Variants in BNC2 observed in about 807,000 individuals in gnomAD.
BNC2 encodes the protein basonuclin zinc finger protein 2.
A neutral mutation model predicts 76.3 loss-of-function variants in BNC2; 20 were observed. That is an observed-to-expected ratio of 0.26 (90% CI 0.18 to 0.38). The LOEUF is 0.38. Ranked by LOEUF, BNC2 falls within the 10% of genes least tolerant of loss-of-function variation. The probability of loss-of-function intolerance (pLI) is 1.00; values close to 1 mark genes in which losing one functional copy is unlikely to be tolerated. For missense variants in BNC2, 1,382 were observed against 1,399.8 expected (o/e 0.99, Z 0.20); for synonymous variants, 582 against 514.8 (o/e 1.13, Z -1.77).
At chr9:16,709,006 G>A (rs1429152087) in intron 3 of BNC2, among the ~76,000 whole-genome samples, 1 of 152,144 alleles carries the variant, frequency 6.6e-6, no homozygotes. Flanking sequence ...CTGTGTCAGC[G>A]ATTTGACTTC....
At chr9:16,643,083 A>G (rs1394166424) in intron 3 of BNC2, among the ~76,000 whole-genome samples, 2 of 152,176 alleles carry the variant, frequency 1.3e-5, no homozygotes, top group African/African-American at 4.8e-5. Context: ...AGAAAACTAC[A>G]CAGATGAATA....
At chr9:16,777,540 A>C (rs1826002240) in intron 1 of BNC2, among the ~76,000 whole-genome samples, 1 of 152,020 alleles carries the variant, frequency 6.6e-6, no homozygotes. Context: ...CTCCACTAAA[A>C]ATACAAAAAA....
chr9:16,487,200 G>A (rs972411228), intron 5 of BNC2, among the ~76,000 whole-genome samples: 1 of 152,134 alleles, frequency 6.6e-6, no homozygotes, highest in Non-Finnish European at 1.5e-5. Flanking sequence ...GTCTTGAGGG[G>A]GTCAAACGTC....
chr9:16,481,241 C>T (rs916200312), intron 5 of BNC2, among the ~76,000 whole-genome samples: 8 of 152,100 alleles, frequency 5.3e-5, no homozygotes, highest in African/African-American at 1.9e-4. Flanking sequence ...CTACTCGGCT[C>T]TACCAATCAG....
chr9:16,424,795 T>C (rs1820773551), intron 6 of BNC2, among the ~76,000 whole-genome samples: 1 of 152,194 alleles, frequency 6.6e-6, no homozygotes. Context: ...AAATGAAAAA[T>C]TAAAACTTCT....
chr9:16,435,920 C>T lies in BNC2; in HGVS notation c.2274G>A (p.Arg758=), dbSNP rs937674742. Residue 758 remains arginine, a synonymous_variant, in exon 6 of 7, where the codon AGG becomes AGA. Transcript: ENST00000380672. ...VSEKVLMNSE[R]PDENHSEPSH... Reference sequence around the variant, plus strand: ...AGGGCTCACTGTGGTTCTCATCAGGCCTCTCACTATTCATCAGGACTTTTT... The same window carrying T: ...AGGGCTCACTGTGGTTCTCATCAGGTCTCTCACTATTCATCAGGACTTTTT... 1.9e-6 allele frequency: 3 copies of T among 1,613,996 alleles called. No homozygotes were observed. The highest frequency in any genetic ancestry group is 1.7e-6 in the Non-Finnish European group (2 of 1,179,998).
intron 1 of BNC2, among the ~76,000 whole-genome samples, chr9:16,863,862 T>C (rs991760314): frequency 3.3e-5 from 5 of 152,188 alleles, no homozygotes; most frequent in African/African-American, 9.6e-5. Context: ...ACAAAATCTG[T>C]TGAAATCAGG....
intron 3 of BNC2, among the ~76,000 whole-genome samples, chr9:16,660,126 T>C (rs1587284985): frequency 6.6e-6 from 1 of 152,236 alleles, no homozygotes; most frequent in Non-Finnish European, 1.5e-5. Context: ...TTTGCATCCC[T>C]TGCCCACAAT....
chr9:16,765,021 A>G (rs906959758), intron 1 of BNC2, among the ~76,000 whole-genome samples: 1 of 152,162 alleles, frequency 6.6e-6, no homozygotes, highest in Non-Finnish European at 1.5e-5. Context: ...TTGGAAGGTT[A>G]TATCTTCCAT....
At chr9:16,763,411 A>C in intron 1 of BNC2, among the ~76,000 whole-genome samples, 1 of 151,880 alleles carries the variant, frequency 6.6e-6, no homozygotes, top group East Asian at 1.9e-4. Context: ...CTCTACAAAA[A>C]ATCAAAAACT....
intron 1 of BNC2, among the ~76,000 whole-genome samples, chr9:16,853,298 T>TAGTC (rs10629318): frequency 0.86 from 130,317 of 151,088 alleles, 56,227 homozygotes; most frequent in East Asian, 0.99. Context: ...TAGGCCCAGT[T>TAGTC]AGGAGGCTAA....
At chr9:16,787,122 G>C (rs534822945) in intron 1 of BNC2, among the ~76,000 whole-genome samples, 4 of 152,208 alleles carry the variant, frequency 2.6e-5, no homozygotes, top group Admixed American at 6.5e-5. Context: ...AATTTTGCCA[G>C]TCTGCCTACT....
At chr9:16,765,556 T>A (rs569653763) in intron 1 of BNC2, among the ~76,000 whole-genome samples, 97 of 152,290 alleles carry the variant, frequency 6.4e-4, no homozygotes, top group African/African-American at 2.2e-3. Context: ...CTGAAATATG[T>A]TAGGTAATGA....
chr9:16,437,486 C>T lies in BNC2; in HGVS notation c.708G>A (p.Met236Ile), dbSNP rs1821042906. Reference sequence around the variant, plus strand: ...GGGTGATGATTTCCTCTTCTCGAGACATGATGGCCCAGCGGTCCAGCACCT... The same window carrying T: ...GGGTGATGATTTCCTCTTCTCGAGATATGATGGCCCAGCGGTCCAGCACCT... ...AGKVLDRWAIMSREEEIITLQ... is the reference protein window; with the variant it reads ...AGKVLDRWAIISREEEIITLQ... The change falls in exon 6 of 7, where the codon ATG (methionine) becomes ATA (isoleucine). Residue 236 changes from methionine (M) to isoleucine (I), a missense_variant. Coordinates refer to ENST00000380672, the MANE Select transcript of BNC2 (RefSeq NM_017637.6). 4 of 1,613,618 alleles carry T rather than the reference C, an allele frequency of 2.5e-6. No homozygotes were observed. The South Asian group carries it at 3.3e-5, about 13-fold the overall frequency.
intron 4 of BNC2, among the ~76,000 whole-genome samples, chr9:16,578,114 C>G (rs116233014): frequency 6.6e-6 from 1 of 151,940 alleles, no homozygotes; most frequent in African/African-American, 2.4e-5. Context: ...AGTTACTGAT[C>G]TAGTTTAAAA....
chr9:16,767,313 G>C (rs1402971739), intron 1 of BNC2, among the ~76,000 whole-genome samples: 1 of 152,192 alleles, frequency 6.6e-6, no homozygotes, highest in Admixed American at 6.5e-5. Flanking sequence ...TTCTCAGTTT[G>C]GGCAGTCCTC....
At chr9:16,711,237 T>C (rs1017947444) in intron 3 of BNC2, among the ~76,000 whole-genome samples, 3 of 152,072 alleles carry the variant, frequency 2.0e-5, no homozygotes, top group African/African-American at 7.2e-5. Flanking sequence ...TCGTTGAAAC[T>C]ACAGAACAAC....
chr9:16,636,200 T>C (rs1016543185), intron 3 of BNC2, among the ~76,000 whole-genome samples: 2 of 152,094 alleles, frequency 1.3e-5, no homozygotes, highest in Non-Finnish European at 2.9e-5. Flanking sequence ...ATAATCATAA[T>C]GCTGAAAAAT....
rs191331576 is a variant in BNC2, at chr9:16,629,519, T to C, written c.331-46434A>G. On this transcript the variant is annotated intron_variant, in intron 3 of 6. Transcript: ENST00000380672. ...ACTTAGGGTGAATCTAGAAATCACA[T>C]TGAGGCTTACAATTGGATAAAGGCA... Among the ~76,000 whole-genome samples, 149 of 152,218 alleles carry C rather than the reference T, an allele frequency of 9.8e-4. 1 individual carries two copies. Among genetic ancestry groups the C allele is most frequent in the East Asian group, 4.4e-3 (23 of 5,172 alleles).
Sources: gnomAD v4.1 joint callset for allele counts (sites outside exome capture counted in the v4.1 genomes callset) on GRCh38, gnomAD v4.1.1 for gene constraint, MANE v1.5 for transcripts, NCBI Gene and HGNC (gene_info 2026-07-23, HGNC 2026-07-21) for gene names.